The following HIVEP2 variants were observed in gnomAD, a reference collection of about 807,000 sequenced individuals.
The protein encoded by HIVEP2 is transcription factor HIVEP2.
Under a neutral mutation model 180.7 loss-of-function variants are expected in HIVEP2, and 14 were observed. The ratio of observed to expected loss-of-function variants is 0.08; its 90% CI spans 0.05 to 0.12. The LOEUF (loss-of-function observed/expected upper bound fraction) is 0.12. Among genes scored for constraint, HIVEP2 ranks in the 10% least tolerant of loss-of-function variants. The probability of loss-of-function intolerance (pLI) is 1.00; values close to 1 mark genes in which losing one functional copy is unlikely to be tolerated. For missense variants in HIVEP2, 2,579 were observed against 3,008.5 expected (o/e 0.86, Z 3.34); for synonymous variants, 1,184 against 1,136.4 (o/e 1.04, Z -0.84).
intron 1 of HIVEP2, among the ~76,000 whole-genome samples, chr6:142,885,972 A>G (rs909449249): frequency 6.6e-6 from 1 of 152,218 alleles, no homozygotes; most frequent in Non-Finnish European, 1.5e-5. Flanking sequence ...TGCTTTCCAA[A>G]TAAACTTTAG....
intron 2 of HIVEP2, among the ~76,000 whole-genome samples, chr6:142,821,123 T>C (rs1777024836): frequency 6.6e-6 from 1 of 152,196 alleles, no homozygotes; most frequent in Admixed American, 6.5e-5. Flanking sequence ...TACTAAACTT[T>C]TTGGGTATGA....
rs576264320 is a variant in HIVEP2 at position 142,898,531 on chromosome 6, G to A, written c.-641+46568C>T. On this transcript the variant is annotated intron_variant, in intron 1 of 9. Transcript: ENST00000367603. The stretch of plus-strand genomic sequence containing the variant: ...AAAAAAATTAGCCAGGTGTGGTGGT[G>A]CACGCCTGTCATCCCAGCTACTCAG... Among the ~76,000 whole-genome samples, 113 of 152,178 alleles carry A rather than the reference G, an allele frequency of 7.4e-4. 3 individuals carry two copies. The South Asian group carries it at 0.019, about 25-fold the overall frequency.
At chr6:142,915,429 G>T (rs1229718334) in intron 1 of HIVEP2, among the ~76,000 whole-genome samples, 2 of 152,272 alleles carry the variant, frequency 1.3e-5, no homozygotes, top group Non-Finnish European at 2.9e-5. Context: ...TGGGAGAGAG[G>T]CACAGAACAG....
intron 1 of HIVEP2, among the ~76,000 whole-genome samples, chr6:142,884,923 C>T (rs140897997): frequency 2.1e-4 from 32 of 152,204 alleles, no homozygotes; most frequent in African/African-American, 7.5e-4. Context: ...TCAAAGCATG[C>T]TGATAAGAGG....
chr6:142,798,492 G>A (rs1305312561), intron 2 of HIVEP2, among the ~76,000 whole-genome samples: 1 of 152,104 alleles, frequency 6.6e-6, no homozygotes, highest in South Asian at 2.1e-4. Context: ...GTTGAAACAG[G>A]TTTGGTTGGC....
intron 2 of HIVEP2, among the ~76,000 whole-genome samples, chr6:142,789,226 A>G (rs1776079269): frequency 6.6e-6 from 1 of 152,218 alleles, no homozygotes; most frequent in Non-Finnish European, 1.5e-5. Flanking sequence ...CAGTCTACTA[A>G]CCATAATTTA....
chr6:142,860,808 AC>A (rs1191361845), intron 1 of HIVEP2, among the ~76,000 whole-genome samples: 3 of 152,214 alleles, frequency 2.0e-5, no homozygotes, highest in Admixed American at 2.0e-4. Flanking sequence ...TAGCCCAGGT[AC>A]TGGGACCCCT....
At chr6:142,889,989 A>T (rs1776813683) in intron 1 of HIVEP2, among the ~76,000 whole-genome samples, 1 of 152,208 alleles carries the variant, frequency 6.6e-6, no homozygotes, top group Non-Finnish European at 1.5e-5. Flanking sequence ...AGACCAAATT[A>T]GCCCTGACAT....
chr6:142,889,064 T>C (rs560797465), intron 1 of HIVEP2, among the ~76,000 whole-genome samples: 47 of 152,338 alleles, frequency 3.1e-4, no homozygotes, highest in African/African-American at 9.1e-4. Flanking sequence ...TTTGAGCTCC[T>C]TAAGGTCAGA....
intron 2 of HIVEP2, among the ~76,000 whole-genome samples, chr6:142,793,652 C>T (rs991773975): frequency 0.27 from 15,721 of 59,084 alleles, 1,036 homozygotes; most frequent in East Asian, 0.41. Flanking sequence ...TTCTTTCTTT[C>T]TTTCTTTTTT....
rs575289768 is a variant in HIVEP2, at chr6:142,820,327, C to A, written c.-528+16608G>T. On this transcript the variant is annotated intron_variant, in intron 2 of 9. Coordinates refer to ENST00000367603, the MANE Select transcript of HIVEP2 (RefSeq NM_006734.4). ...TCTCTCTCTCTCTCTCTCTCTGTAT[C>A]CTCACCACCTCCCCTCCCTCTCTTC... Among the ~76,000 whole-genome samples, 48 of 148,618 alleles carry A rather than the reference C, an allele frequency of 3.2e-4. No homozygotes were observed. In the East Asian group the frequency reaches 3.6e-3, roughly 11 times the overall value.
chr6:142,797,964 C>T (rs1436518326), intron 2 of HIVEP2, among the ~76,000 whole-genome samples: 1 of 152,022 alleles, frequency 6.6e-6, no homozygotes, highest in African/African-American at 2.4e-5. Flanking sequence ...GATTTTATGT[C>T]AAGGAGGAAT....
At chr6:142,755,023 C>T (rs9496453) in intron 9 of HIVEP2, among the ~76,000 whole-genome samples, 6 of 152,026 alleles carry the variant, frequency 3.9e-5, no homozygotes, top group African/African-American at 1.5e-4. Context: ...TAGATATAAA[C>T]CCATACAGTA....
chr6:142,943,263 T>C lies in HIVEP2; in HGVS notation c.-641+1836A>G, dbSNP rs1398405539. 6.6e-6 allele frequency among the ~76,000 whole-genome samples: 1 copy of C among 152,166 alleles called. No homozygotes were observed. The highest frequency in any genetic ancestry group is 2.4e-5 in the African/African-American group (1 of 41,432). On this transcript the variant is annotated intron_variant, in intron 1 of 9. Coordinates refer to ENST00000367603, the MANE Select transcript of HIVEP2 (RefSeq NM_006734.4). The surrounding 1 kb of genome is among the most constrained non-coding windows in gnomAD (Gnocchi z 4.5). ...TTCGTTAAAATTCTGCTTCTGGCAC[T>C]CTTATAAGGTGAAAAAGCAATGAGA... is the stretch of plus-strand genomic sequence containing the variant.
rs1237819411 is a variant in HIVEP2 at position 142,753,291 on chromosome 6, TG to T, written c.7156del (p.His2386ThrfsTer19). On this transcript the variant is annotated frameshift_variant, in exon 10 of 10. Transcript: ENST00000367603. LOFTEE classifies it high-confidence loss of function. ...CTTTTCACCATCATGCAAGTCAGGG[TG>T]GGTGGCTGAGGTACAGGGCTGACCT... Reference protein sequence around the residue: ...EPGQPCTSATHPDLHDGEKDN... With the variant: ...EPGQPCTSATXPDLHDGEKDN... 1 of 1,613,888 alleles carries T rather than the reference TG, an allele frequency of 6.2e-7. No homozygotes were observed. The highest frequency in any genetic ancestry group is 8.5e-7 in the Non-Finnish European group (1 of 1,180,010).
intron 1 of HIVEP2, among the ~76,000 whole-genome samples, chr6:142,844,539 A>G (rs1255470872): frequency 2.0e-5 from 3 of 152,180 alleles, no homozygotes; most frequent in African/African-American, 7.2e-5. Context: ...TGCCATGACT[A>G]TGGTTTAGCC....
At chr6:142,788,892 T>C (rs111860264) in intron 2 of HIVEP2, among the ~76,000 whole-genome samples, 80 of 152,334 alleles carry the variant, frequency 5.3e-4, no homozygotes, top group African/African-American at 1.7e-3. Flanking sequence ...GCTTTCTAGA[T>C]GTAACGACAC....
At position 142,773,545 on chromosome 6, in the gene HIVEP2, A is replaced by G; in HGVS notation, c.1194T>C (p.Ser398=). ...LSPHSKGSTD[S]GYFSRSESAE... is the part of the protein sequence containing the mutation. The stretch of plus-strand genomic sequence containing the variant: ...CACTTTCTGAGCGAGAAAAGTAACC[A>G]GAATCAGTGCTTCCTTTACTGTGCG... Residue 398 remains serine (S), a synonymous_variant, in exon 5 of 10, where the codon TCT becomes TCC. Coordinates refer to ENST00000367603, the MANE Select transcript of HIVEP2 (RefSeq NM_006734.4). 1 of 1,614,276 alleles carries G rather than the reference A, an allele frequency of 6.2e-7. No individual in the cohort carries two copies.
At chr6:142,899,245 C>A (rs1777072185) in intron 1 of HIVEP2, among the ~76,000 whole-genome samples, 1 of 152,178 alleles carries the variant, frequency 6.6e-6, no homozygotes, top group Non-Finnish European at 1.5e-5. Flanking sequence ...GCTTTATCTT[C>A]CTGGAATGCC....
Sources: allele counts gnomAD v4.1 joint callset (sites outside exome capture counted in the v4.1 genomes callset), GRCh38; gene constraint gnomAD v4.1.1; non-coding constraint Gnocchi (gnomAD v3.1); transcripts MANE v1.5; gene names NCBI Gene and HGNC (gene_info 2026-07-23, HGNC 2026-07-21).